PCNT: variants seen among roughly 807,000 people sequenced by gnomAD.
PCNT encodes the protein kendrin.
Under a neutral mutation model 380.4 loss-of-function variants are expected in PCNT, and 319 were observed. The observed-to-expected ratio is 0.84, with a 90% CI of 0.77 to 0.92. The LOEUF is 0.92. Among genes scored for constraint, PCNT ranks in the 40% least tolerant of loss-of-function variants. The probability of loss-of-function intolerance (pLI) is 0.00; values close to 1 mark genes in which losing one functional copy is unlikely to be tolerated. For synonymous variants in PCNT, 1,845 were observed against 1,735.2 expected, an observed-to-expected ratio of 1.06 and a Z score of -1.57; for missense variants, 4,400 against 4,255.3, an observed-to-expected ratio of 1.03 and a Z score of -0.95.
chr21:46,430,190 C>T lies in PCNT; in HGVS notation c.7871C>T (p.Ser2624Phe), dbSNP rs199981467. Residue 2624 changes from serine (S) to phenylalanine (F), a missense_variant, in exon 36 of 47, where the codon TCC becomes TTC. Ser to Phe is a radical substitution (Grantham distance 155, BLOSUM62 -2). Transcript: ENST00000359568. ...CESRQKSEQL[S>F]RSLCEVQQEV... is the part of the protein sequence containing the mutation. ...AGCAGGCAGAAGAGCGAACAGCTGT[C>T]CCGGTCCCTCTGCGAGGTGCAGCAG... 87 of 1,613,812 alleles carry T rather than the reference C, an allele frequency of 5.4e-5. 2 individuals are homozygous for T. In the East Asian group the frequency reaches 8.2e-4, roughly 15 times the overall value.
chr21:46,344,708 G>A (rs545044861), intron 3 of PCNT, among the ~76,000 whole-genome samples: 2 of 152,376 alleles, frequency 1.3e-5, no homozygotes, highest in South Asian at 4.1e-4. Flanking sequence ...TACGTCCCAG[G>A]CGCCAGTCGA....
Position 46,399,746 on chromosome 21 carries a change from C to G in PCNT, c.4741C>G (p.Leu1581Val), listed in dbSNP as rs762120706. Residue 1581 changes from leucine (L) to valine (V), a missense_variant, in exon 25 of 47, where the codon CTC becomes GTC. Transcript: ENST00000359568. The part of the protein sequence containing the change: ...NINIRKKVAQ[L>V]QEEVEKQKNI... ...CAACATCAGGAAAAAAGTGGCCCAG[C>G]TCCAGGAAGAAGTGGAAAAACAGAA... 6.2e-7 allele frequency: 1 copy of G among 1,614,130 alleles called. No homozygotes were observed. Among genetic ancestry groups the G allele is most frequent in the South Asian group, 1.1e-5 (1 of 91,078 alleles).
At chr21:46,383,408 G>T (rs1209004641) in intron 16 of PCNT, among the ~76,000 whole-genome samples, 2 of 144,838 alleles carry the variant, frequency 1.4e-5, no homozygotes, top group African/African-American at 5.1e-5. Context: ...CGCATTCACG[G>T]TGTTGTGCAT....
At position 46,438,171 on chromosome 21, in the gene PCNT, T is replaced by A. The variant is rs759746831; in HGVS notation, c.9107T>A (p.Met3036Lys). The A allele has an allele frequency of 7.4e-6, 12 of 1,613,046 alleles. No individual in the cohort carries two copies. The highest frequency in any genetic ancestry group is 1.1e-5 in the South Asian group (1 of 91,054). Reference sequence around the variant, plus strand: ...TATTTTCTTTTCTCCAAGAAAAAAATGGCAGCAGAGCTGCAGTTCCAGTTT... The same window carrying A: ...TATTTTCTTTTCTCCAAGAAAAAAAAGGCAGCAGAGCTGCAGTTCCAGTTT... Reference protein sequence around the residue: ...LSRPTSSQKKMAAELQFQFVD... With the variant: ...LSRPTSSQKKKAAELQFQFVD... The change falls in exon 41 of 47, where the codon ATG (methionine) becomes AAG (lysine). Residue 3036 changes from methionine (M) to lysine (K), a missense_variant. By Grantham distance (95) the Met-to-Lys change is moderately conservative. Transcript: ENST00000359568.
intron 13 of PCNT, 43 bp downstream of exon 13, chr21:46,357,234 T>A: frequency 7.3e-7 from 1 of 1,361,662 alleles, no homozygotes; most frequent in Non-Finnish European, 1.1e-6. Flanking sequence ...GCCCGAGTCC[T>A]TGCTCTCTTC....
At chr21:46,396,981 C>T (rs1396473022) in intron 21 of PCNT, among the ~76,000 whole-genome samples, 1 of 152,114 alleles carries the variant, frequency 6.6e-6, no homozygotes, top group South Asian at 2.1e-4. Context: ...CAGCACCGTC[C>T]GTCGTCTGCT....
Position 46,416,655 on chromosome 21 carries a change from C to A in PCNT, c.6737C>A (p.Pro2246His). The A allele has an allele frequency of 6.4e-7, 1 of 1,564,050 alleles. No individual in the cohort carries two copies. Among genetic ancestry groups the A allele is most frequent in the Non-Finnish European group, 8.6e-7 (1 of 1,156,804 alleles). The change falls in exon 30 of 47, where the codon CCC (proline) becomes CAC (histidine). Residue 2246 changes from proline to histidine, a missense_variant. By Grantham distance (77) the Pro-to-His change is moderately conservative (BLOSUM62 -2). Coordinates refer to ENST00000359568, the MANE Select transcript of PCNT (RefSeq NM_006031.6). Reference sequence around the variant, plus strand: ...CCCTGGCCCAGCCTCCCCGTGACACCCCACTCAGGAGCCCTGAGCCTGTGC... The same window carrying A: ...CCCTGGCCCAGCCTCCCCGTGACACACCACTCAGGAGCCCTGAGCCTGTGC... The part of the protein sequence containing the change: ...LEPWPSLPVT[P>H]HSGALSLCSA...
At chr21:46,367,187 T>C in intron 15 of PCNT, 48 bp downstream of exon 15, 2 of 1,511,526 alleles carry the variant, frequency 1.3e-6, no homozygotes, top group South Asian at 2.2e-5. Context: ...CTCTCCTCGC[T>C]GCCTGTGTGT....
intron 2 of PCNT, among the ~76,000 whole-genome samples, chr21:46,330,055 C>T (rs933602577): frequency 2.0e-5 from 3 of 152,206 alleles, no homozygotes; most frequent in Admixed American, 6.5e-5. Flanking sequence ...GAATTCCTGA[C>T]ATTTTAATAA....
intron 31 of PCNT, among the ~76,000 whole-genome samples, chr21:46,420,190 G>A (rs997727809): frequency 6.6e-6 from 1 of 152,162 alleles, no homozygotes; most frequent in African/African-American, 2.4e-5. Context: ...CGGTCGGGGT[G>A]GAGGATTTCC....
chr21:46,386,072 C>CAGGAG, intron 17 of PCNT, 89 bp downstream of exon 17: 1 of 1,510,884 alleles, frequency 6.6e-7, no homozygotes, highest in Non-Finnish European at 9.1e-7. Flanking sequence ...GGCTCCTGGC[C>CAGGAG]CCGTGGCTGC....
chr21:46,364,058 TG>T (rs2146861599), intron 14 of PCNT, 124 bp downstream of exon 14: 2 of 829,898 alleles, frequency 2.4e-6, no homozygotes, highest in South Asian at 3.1e-5. Context: ...TGGAGGGAGC[TG>T]GAACAAGGTG....
rs572725433 is a variant in PCNT, at chr21:46,432,095, G to A, written c.8631G>A (p.Gln2877=). The A allele has an allele frequency of 1.2e-5, 20 of 1,614,166 alleles. No homozygotes were observed. In the African/African-American group the frequency reaches 2.4e-4, roughly 19 times the overall value. Residue 2877 remains glutamine, a synonymous_variant, in exon 38 of 47, where the codon CAG becomes CAA. Transcript: ENST00000359568. The stretch of plus-strand genomic sequence containing the variant: ...CGTGGTTGCAGGCAGAATTAGAGCA[G>A]TCACACCCACGGTTGAAAGAGCAAG... The part of the protein sequence containing the change: ...KPAWLQAELE[Q]SHPRLKEQEG...
intron 16 of PCNT, 150 bp downstream of exon 16, chr21:46,381,990 C>G: frequency 1.3e-6 from 1 of 797,114 alleles, no homozygotes; most frequent in South Asian, 1.7e-5. Context: ...AGCGCATTCA[C>G]AGTGTTGTAG....
chr21:46,340,377 T>C (rs988744274), intron 3 of PCNT, among the ~76,000 whole-genome samples: 2 of 152,214 alleles, frequency 1.3e-5, no homozygotes. Flanking sequence ...CAGCCCACTT[T>C]TGTGCTTGCC....
chr21:46,421,540 G>A (rs923879309), intron 31 of PCNT, among the ~76,000 whole-genome samples: 1 of 152,228 alleles, frequency 6.6e-6, no homozygotes, highest in Non-Finnish European at 1.5e-5. Context: ...CACGGTCAGC[G>A]TTTCCTGAGC....
chr21:46,380,643 CAG>C (rs984782065), intron 15 of PCNT, among the ~76,000 whole-genome samples: 11 of 152,218 alleles, frequency 7.2e-5, no homozygotes, highest in African/African-American at 2.4e-4. Context: ...GATATGGAGT[CAG>C]GGCAAAGTTA....
intron 21 of PCNT, chr21:46,394,383 T>A: frequency 4.2e-6 from 1 of 235,610 alleles, no homozygotes; most frequent in Non-Finnish European, 6.9e-6. Context: ...TGGAGGTTGT[T>A]CAAGGCCAGC....
At chr21:46,349,895 C>A in intron 8 of PCNT, 75 bp downstream of exon 8, 2 of 1,374,606 alleles carry the variant, frequency 1.5e-6, no homozygotes, top group South Asian at 1.2e-5. Context: ...TGGGCTATTT[C>A]GTATTGTGTT....
Sources: allele counts gnomAD v4.1 joint callset (sites outside exome capture counted in the v4.1 genomes callset), GRCh38; gene constraint gnomAD v4.1.1; transcripts MANE v1.5; gene names NCBI Gene and HGNC (gene_info 2026-07-23, HGNC 2026-07-21).